The following RIPK1 variants were observed in gnomAD, a reference collection of about 807,000 sequenced individuals.
RIPK1 encodes receptor-interacting serine/threonine-protein kinase 1.
In RIPK1, 27 loss-of-function variants were observed where a neutral mutation model predicts 62.4. The observed-to-expected ratio is 0.43, with a 90% CI of 0.32 to 0.60. RIPK1 has a LOEUF of 0.60. Ranked by LOEUF, RIPK1 falls within the 20% of genes least tolerant of loss-of-function variation. RIPK1 has a pLI of 0.07. For missense variants in RIPK1, 735 were observed against 831.0 expected (o/e 0.88, Z 1.42); for synonymous variants, 287 against 303.2 (o/e 0.95, Z 0.55).
At chr6:3,073,678 G>A (rs6920337) in intron 1 of RIPK1, among the ~76,000 whole-genome samples, 29,609 of 152,092 alleles carry the variant, frequency 0.19, 3,436 homozygotes, top group East Asian at 0.3. Context: ...AGCTTCCTCC[G>A]CTAGACAGAG....
intron 1 of RIPK1, among the ~76,000 whole-genome samples, chr6:3,070,464 G>T (rs1010163055): frequency 1.3e-5 from 2 of 152,158 alleles, no homozygotes; most frequent in African/African-American, 4.8e-5. Context: ...TTGAGACAGA[G>T]TCTTGCTCTG....
intron 7 of RIPK1, among the ~76,000 whole-genome samples, chr6:3,096,273 C>T (rs905343364): frequency 6.6e-6 from 1 of 152,026 alleles, no homozygotes; most frequent in Non-Finnish European, 1.5e-5. Context: ...AAAGAAGAAA[C>T]AAAACTGTTC....
chr6:3,104,271 T>C lies in RIPK1; in HGVS notation c.962T>C (p.Leu321Pro). ...GCAGTTGTGAAGAGAATGCAGTCTCTTCAACTTGATTGTGTGGCAGTACCT... is the reference window on the plus strand; with the variant it reads ...GCAGTTGTGAAGAGAATGCAGTCTCCTCAACTTGATTGTGTGGCAGTACCT... Reference protein sequence around the residue: ...ENAVVKRMQSLQLDCVAVPSS... With the variant: ...ENAVVKRMQSPQLDCVAVPSS... The change falls in exon 8 of 11, where the codon CTT (leucine) becomes CCT (proline). Residue 321 changes from leucine (L) to proline (P), a missense_variant. Transcript: ENST00000259808. 1 of 1,605,104 alleles carries C rather than the reference T, an allele frequency of 6.2e-7. No individual in the cohort carries two copies. The highest frequency in any genetic ancestry group is 8.5e-7 in the Non-Finnish European group (1 of 1,172,484).
Position 3,083,185 on chromosome 6 carries a change from G to A in RIPK1, c.560G>A (p.Gly187Asp), listed in dbSNP as rs1344669915. 8 of 1,613,952 alleles carry A rather than the reference G, an allele frequency of 5.0e-6. No individual in the cohort carries two copies. The highest frequency in any genetic ancestry group is 6.8e-6 in the Non-Finnish European group (8 of 1,180,004). ...REVDGTAKKN[G>D]GTLYYMAPEH... ...GTGGACGGCACCGCTAAGAAGAATG[G>A]CGGCACCCTCTACTACATGGCGCCC... The change falls in exon 5 of 11, where the codon GGC (glycine) becomes GAC (aspartate). Residue 187 changes from glycine to aspartate, a missense_variant. Transcript: ENST00000259808.
intron 7 of RIPK1, among the ~76,000 whole-genome samples, chr6:3,099,549 A>T (rs1442443444): frequency 6.6e-6 from 1 of 152,256 alleles, no homozygotes; most frequent in Non-Finnish European, 1.5e-5. Context: ...GTCTCAAAAA[A>T]ACAAACAAAA....
chr6:3,067,172 C>T (rs1313948227), upstream of RIPK1, among the ~76,000 whole-genome samples: 1 of 147,562 alleles, frequency 6.8e-6, no homozygotes, highest in African/African-American at 2.5e-5. Flanking sequence ...CTTGGATGCC[C>T]TCAAGTTTTG....
At chr6:3,107,614 G>A (rs1047697685) in intron 9 of RIPK1, among the ~76,000 whole-genome samples, 5 of 150,466 alleles carry the variant, frequency 3.3e-5, no homozygotes, top group East Asian at 3.9e-4. Flanking sequence ...ACTTTGTGAC[G>A]TGCAGTTCTC....
At chr6:3,101,087 C>G (rs1760567282) in intron 7 of RIPK1, among the ~76,000 whole-genome samples, 1 of 151,788 alleles carries the variant, frequency 6.6e-6, no homozygotes. Context: ...AGTTCAAAAC[C>G]AGCAACATGG....
intron 8 of RIPK1, among the ~76,000 whole-genome samples, chr6:3,104,922 G>C (rs1032453959): frequency 1.3e-5 from 2 of 152,014 alleles, no homozygotes; most frequent in African/African-American, 4.8e-5. Flanking sequence ...TGTGATCTTG[G>C]CTCACTACAA....
intron 7 of RIPK1, among the ~76,000 whole-genome samples, chr6:3,103,524 A>G (rs914136482): frequency 6.6e-6 from 1 of 151,362 alleles, no homozygotes; most frequent in African/African-American, 2.4e-5. Flanking sequence ...CAGGTCTCGA[A>G]CTCCTGACCT....
At chr6:3,110,090 C>T (rs896994133) in intron 9 of RIPK1, among the ~76,000 whole-genome samples, 1 of 152,008 alleles carries the variant, frequency 6.6e-6, no homozygotes, top group Non-Finnish European at 1.5e-5. Flanking sequence ...GCAGTGAACA[C>T]GTGGGTAGAA....
upstream of RIPK1, among the ~76,000 whole-genome samples, chr6:3,064,243 C>G (rs1387755381): frequency 6.6e-6 from 1 of 151,994 alleles, no homozygotes; most frequent in Non-Finnish European, 1.5e-5. Context: ...AGCGCGCAGC[C>G]GGTTTCCGCC....
chr6:3,103,068 G>A (rs1173461364), intron 7 of RIPK1, among the ~76,000 whole-genome samples: 4 of 152,062 alleles, frequency 2.6e-5, no homozygotes, highest in Non-Finnish European at 5.9e-5. Flanking sequence ...ACCTCATGGT[G>A]GTTTTGACTT....
intron 6 of RIPK1, among the ~76,000 whole-genome samples, chr6:3,087,250 G>A (rs955332576): frequency 6.6e-6 from 1 of 152,002 alleles, no homozygotes; most frequent in Admixed American, 6.5e-5. Context: ...TCTTAAATCT[G>A]TAGGTTTATG....
intron 7 of RIPK1, among the ~76,000 whole-genome samples, chr6:3,096,996 G>T (rs11970359): frequency 6.6e-6 from 1 of 151,986 alleles, no homozygotes; most frequent in Non-Finnish European, 1.5e-5. Context: ...TCAGCCTCCC[G>T]AGTAGCTGGG....
intron 7 of RIPK1, among the ~76,000 whole-genome samples, chr6:3,095,446 C>G (rs1012535265): frequency 2.0e-5 from 3 of 152,160 alleles, no homozygotes; most frequent in Non-Finnish European, 4.4e-5. Flanking sequence ...TCCAGATTCA[C>G]TTTGTGTAAG....
At chr6:3,098,109 TGA>T (rs1174785762) in intron 7 of RIPK1, among the ~76,000 whole-genome samples, 1 of 152,156 alleles carries the variant, frequency 6.6e-6, no homozygotes, top group East Asian at 1.9e-4. Context: ...TGAGATGAGA[TGA>T]CTGCTTGGGC....
intron 1 of RIPK1, among the ~76,000 whole-genome samples, chr6:3,073,206 C>T (rs1418112957): frequency 6.9e-6 from 1 of 145,358 alleles, no homozygotes; most frequent in African/African-American, 2.5e-5. Context: ...TACACACATA[C>T]AAATATGTGT....
At chr6:3,094,580 C>CAT (rs370564571) in intron 7 of RIPK1, among the ~76,000 whole-genome samples, 10,148 of 139,132 alleles carry the variant, frequency 0.073, 465 homozygotes, top group African/African-American at 0.14. Flanking sequence ...ATAAATATTT[C>CAT]ATATATATAT....
Sources: allele counts gnomAD v4.1 joint callset (sites outside exome capture counted in the v4.1 genomes callset), GRCh38; gene constraint gnomAD v4.1.1; transcripts MANE v1.5; gene names NCBI Gene and HGNC (gene_info 2026-07-23, HGNC 2026-07-21).